Variants in MAPK10 observed in about 807,000 individuals in gnomAD.
MAPK10 encodes the protein JNK3 alpha protein kinase.
MAPK10 carries 25 observed loss-of-function variants against 59.3 expected under a neutral mutation model. The ratio of observed to expected loss-of-function variants is 0.42; its 90% CI spans 0.31 to 0.59. The LOEUF (loss-of-function observed/expected upper bound fraction) is 0.59. Ranked by LOEUF, MAPK10 falls within the 20% of genes least tolerant of loss-of-function variation. The pLI, the probability that MAPK10 is intolerant of heterozygous loss-of-function variation, is 0.15. For missense variants in MAPK10, 351 were observed against 568.9 expected, an observed-to-expected ratio of 0.62 and a Z score of 3.90; for synonymous variants, 190 against 200.5, an observed-to-expected ratio of 0.95 and a Z score of 0.44.
At position 86,478,897 on chromosome 4, in the gene MAPK10, C is replaced by T. The variant is rs531455294; in HGVS notation, c.-263+115013G>A. Reference sequence around the variant, plus strand: ...CCTTTCCATCGTGGAAATCTATTCTCAAAGAAATAACTTCTCAGTCTTCCA... The same window carrying T: ...CCTTTCCATCGTGGAAATCTATTCTTAAAGAAATAACTTCTCAGTCTTCCA... On this transcript the variant is annotated intron_variant, in intron 1 of 4. Coordinates refer to the MAPK10 transcript ENST00000502302. 2.6e-5 allele frequency among the ~76,000 whole-genome samples: 4 copies of T among 152,278 alleles called. No homozygotes were observed. In the East Asian group the frequency reaches 7.7e-4, roughly 29 times the overall value.
intron 2 of MAPK10, among the ~76,000 whole-genome samples, chr4:86,320,624 G>C (rs1038079164): frequency 7.2e-5 from 11 of 152,182 alleles, no homozygotes; most frequent in Non-Finnish European, 1.3e-4. Flanking sequence ...TCACTGTGAT[G>C]GTAGTTTCTT....
At chr4:86,240,701 C>A (rs2092663566) in intron 2 of MAPK10, among the ~76,000 whole-genome samples, 1 of 151,560 alleles carries the variant, frequency 6.6e-6, no homozygotes, top group African/African-American at 2.4e-5. Context: ...CTAAATATTC[C>A]TCCAACCCTT....
At chr4:86,384,670 C>T (rs188974591) in intron 1 of MAPK10, among the ~76,000 whole-genome samples, 23 of 152,230 alleles carry the variant, frequency 1.5e-4, no homozygotes, top group African/African-American at 5.1e-4. Flanking sequence ...AAAAGAGAAG[C>T]GGCTGCACTC....
intron 1 of MAPK10, among the ~76,000 whole-genome samples, chr4:86,532,898 C>T (rs1368005456): frequency 6.6e-6 from 1 of 152,216 alleles, no homozygotes; most frequent in Admixed American, 6.5e-5. Flanking sequence ...CCAGCTCTAC[C>T]TCTAGCAGTT....
chr4:86,066,026 T>C (rs1025166553), intron 10 of MAPK10, among the ~76,000 whole-genome samples: 10 of 152,194 alleles, frequency 6.6e-5, no homozygotes, highest in Admixed American at 5.2e-4. Context: ...GTGCCGTTCA[T>C]GTATTTTTCA....
At chr4:86,085,001 G>C (rs1209703833) in intron 9 of MAPK10, among the ~76,000 whole-genome samples, 1 of 152,142 alleles carries the variant, frequency 6.6e-6, no homozygotes, top group Non-Finnish European at 1.5e-5. Flanking sequence ...CTGGGGAAAA[G>C]ACAGTCCCTT....
At chr4:86,058,670 C>T (rs531003470) in intron 11 of MAPK10, among the ~76,000 whole-genome samples, 1 of 149,542 alleles carries the variant, frequency 6.7e-6, no homozygotes, top group Non-Finnish European at 1.5e-5. Flanking sequence ...CTTTTGACTT[C>T]TGCATTGCAA....
At chr4:86,024,368 G>A (rs150894754) in intron 13 of MAPK10, 3 of 152,220 alleles carry the variant, frequency 2.0e-5, no homozygotes, top group African/African-American at 7.2e-5. Flanking sequence ...AAACAGGATC[G>A]TGCTGCAGGC....
intron 4 of MAPK10, among the ~76,000 whole-genome samples, chr4:86,115,571 C>T (rs1223328732): frequency 6.6e-6 from 1 of 152,170 alleles, no homozygotes; most frequent in Non-Finnish European, 1.5e-5. Context: ...AAGTGATTCT[C>T]CTGCCTCAGC....
Position 86,358,381 on chromosome 4 carries a change from T to C in MAPK10, c.-122+1277A>G, listed in dbSNP as rs1263365922. 2.5e-5 allele frequency: 25 copies of C among 985,436 alleles called. No individual in the cohort carries two copies. In the Admixed American group the frequency reaches 4.3e-4, roughly 17 times the overall value. The allele number at this position is 985,436 out of a possible 1,614,324, so 61.0% of individuals were successfully genotyped here. On this transcript the variant is annotated intron_variant, in intron 1 of 13. Coordinates refer to ENST00000641462, the MANE Select transcript of MAPK10 (RefSeq NM_138982.4). ...CAATGCCTGGTGCACTTACACTCGT[T>C]TTCCTTCCACCTGAACTGTAGTCTA...
Position 86,103,170 on chromosome 4 carries a change from G to A in MAPK10, c.425+16C>T. 1.9e-6 allele frequency: 3 copies of A among 1,598,794 alleles called. No homozygotes were observed. Among genetic ancestry groups the A allele is most frequent in the Non-Finnish European group, 2.6e-6 (3 of 1,168,092 alleles). On this transcript the variant is annotated intron_variant, in intron 6 of 13. Coordinates refer to ENST00000641462, the MANE Select transcript of MAPK10 (RefSeq NM_138982.4). Reference sequence around the variant, plus strand: ...AGTGCTGTGCTCTCCCTTCCTTCATGAGTTTTGTTACTTACACATCTTGGA... The same window carrying A: ...AGTGCTGTGCTCTCCCTTCCTTCATAAGTTTTGTTACTTACACATCTTGGA...
intron 1 of MAPK10, among the ~76,000 whole-genome samples, chr4:86,420,632 A>G (rs905157468): frequency 6.6e-6 from 1 of 152,118 alleles, no homozygotes; most frequent in South Asian, 2.1e-4. Flanking sequence ...TACAAAAAAT[A>G]CAAAATATTA....
At chr4:86,255,418 GA>G (rs892637612) in intron 2 of MAPK10, among the ~76,000 whole-genome samples, 31 of 152,144 alleles carry the variant, frequency 2.0e-4, no homozygotes, top group Admixed American at 7.2e-4. Context: ...GACATTTTAA[GA>G]CAGGACACTG....
At chr4:86,412,061 T>A (rs1745248912) in intron 1 of MAPK10, among the ~76,000 whole-genome samples, 1 of 152,226 alleles carries the variant, frequency 6.6e-6, no homozygotes, top group South Asian at 2.1e-4. Context: ...CCATGTTTAG[T>A]ACTTTCTTCA....
chr4:86,548,933 C>T (rs926336454), intron 1 of MAPK10, among the ~76,000 whole-genome samples: 9 of 151,918 alleles, frequency 5.9e-5, no homozygotes, highest in East Asian at 1.9e-4. Flanking sequence ...CTGTAAGGCC[C>T]GACTAAATAT....
chr4:86,469,209 C>T (rs1000640814), intron 1 of MAPK10, among the ~76,000 whole-genome samples: 2 of 152,110 alleles, frequency 1.3e-5, no homozygotes. Flanking sequence ...GATCGCACCA[C>T]TGCACTCCAG....
At chr4:86,472,331 T>C (rs1345861512) in intron 1 of MAPK10, among the ~76,000 whole-genome samples, 1 of 152,208 alleles carries the variant, frequency 6.6e-6, no homozygotes, top group African/African-American at 2.4e-5. Flanking sequence ...GATCTTCAAA[T>C]ACCGATGTGA....
At chr4:86,156,127 G>A (rs1455362283) in intron 4 of MAPK10, among the ~76,000 whole-genome samples, 2 of 151,978 alleles carry the variant, frequency 1.3e-5, no homozygotes, top group Non-Finnish European at 2.9e-5. Flanking sequence ...TGAAACCACA[G>A]AAAGCTAAAC....
At chr4:86,515,889 T>G (rs1413738983) in intron 1 of MAPK10, among the ~76,000 whole-genome samples, 2 of 151,958 alleles carry the variant, frequency 1.3e-5, no homozygotes, top group Non-Finnish European at 2.9e-5. Flanking sequence ...GTTGTTGTTT[T>G]TTTTTTGTTT....
Sources: allele counts gnomAD v4.1 joint callset (sites outside exome capture counted in the v4.1 genomes callset), GRCh38; gene constraint gnomAD v4.1.1; transcripts MANE v1.5; gene names NCBI Gene and HGNC (gene_info 2026-07-23, HGNC 2026-07-21).